MAEL: variants seen among roughly 807,000 people sequenced by gnomAD.
MAEL encodes maelstrom spermatogenic transposon silencer, also known as protein maelstrom homolog.
In MAEL, 46 loss-of-function variants were observed where a neutral mutation model predicts 62.0. The ratio of observed to expected loss-of-function variants is 0.74; its 90% CI spans 0.59 to 0.95. The LOEUF is 0.95. Among genes scored for constraint, MAEL ranks in the 40% least tolerant of loss-of-function variants. The pLI, the probability that MAEL is intolerant of heterozygous loss-of-function variation, is 0.00. For synonymous variants in MAEL, 172 were observed against 175.5 expected, an observed-to-expected ratio of 0.98 and a Z score of 0.16; for missense variants, 497 against 526.8, an observed-to-expected ratio of 0.94 and a Z score of 0.55.
chr1:167,020,230 C>T (rs973730010), intron 10 of MAEL, among the ~76,000 whole-genome samples: 2 of 152,170 alleles, frequency 1.3e-5, no homozygotes, highest in Non-Finnish European at 2.9e-5. Context: ...CTCTTCACCT[C>T]CTTCCTTCCC....
At chr1:167,015,829 G>C (rs1262008213) in intron 8 of MAEL, among the ~76,000 whole-genome samples, 1 of 151,958 alleles carries the variant, frequency 6.6e-6, no homozygotes, top group African/African-American at 2.4e-5. Flanking sequence ...TTCTTGATCT[G>C]TCTTTCCCTC....
chr1:166,983,129 G>T (rs768694490), intron 1 of MAEL, among the ~76,000 whole-genome samples: 80 of 151,956 alleles, frequency 5.3e-4, no homozygotes, highest in Non-Finnish European at 7.4e-4. Context: ...TATTACCTGG[G>T]TTTTTTTCCA....
chr1:166,994,619 A>G (rs1664330241), intron 5 of MAEL, among the ~76,000 whole-genome samples: 1 of 152,042 alleles, frequency 6.6e-6, no homozygotes, highest in Non-Finnish European at 1.5e-5. Flanking sequence ...TGTATATTAA[A>G]AGTGTCAGTG....
At position 167,021,726 on chromosome 1, in the gene MAEL, A is replaced by T. The variant is rs1180574037; in HGVS notation, c.1176A>T (p.Gly392=). The change falls in exon 12 of 12, where the codon GGA becomes GGT. Residue 392 remains glycine, a synonymous_variant. Transcript: ENST00000367872. ...SGQNSSVRGR[G]ITRLLESISN... is the part of the protein sequence containing the mutation. ...AAAACAGCAGCGTTCGGGGAAGAGG[A>T]ATTACCCGCTTACTAGAGAGCATTT... The T allele has an allele frequency of 6.2e-7, 1 of 1,613,244 alleles. No individual in the cohort carries two copies. Among genetic ancestry groups the T allele is most frequent in the Non-Finnish European group, 8.5e-7 (1 of 1,179,728 alleles).
rs1557981106 is a variant in MAEL, at chr1:167,005,058, G to GT, written c.649-12dup. 7.5e-6 allele frequency: 12 copies of GT among 1,610,122 alleles called. No homozygotes were observed. Among genetic ancestry groups the GT allele is most frequent in the Non-Finnish European group, 1.0e-5 (12 of 1,178,156 alleles). ...AAGTAGTTTTTTTGTTTTGTTTTTTGTTTTTTGCTTTCTCCAGTCTGATGA... is the reference window on the plus strand; with the variant it reads ...AAGTAGTTTTTTTGTTTTGTTTTTTGTTTTTTTGCTTTCTCCAGTCTGATGA... On this transcript the variant is annotated splice_polypyrimidine_tract_variant and intron_variant, in intron 6 of 11. Coordinates refer to ENST00000367872, the MANE Select transcript of MAEL (RefSeq NM_032858.3).
chr1:167,017,528 C>T (rs556352897), intron 9 of MAEL, among the ~76,000 whole-genome samples: 15 of 152,224 alleles, frequency 9.9e-5, no homozygotes, highest in African/African-American at 3.4e-4. Flanking sequence ...TTATTTCTGC[C>T]GCTGCCCTCT....
At chr1:167,010,328 T>G (rs1281154710) in intron 8 of MAEL, among the ~76,000 whole-genome samples, 1 of 152,208 alleles carries the variant, frequency 6.6e-6, no homozygotes, top group Non-Finnish European at 1.5e-5. Context: ...CACAGCAGTG[T>G]GAGAACAGAC....
intron 1 of MAEL, among the ~76,000 whole-genome samples, chr1:166,977,851 T>C (rs1216810508): frequency 6.6e-6 from 1 of 152,166 alleles, no homozygotes; most frequent in African/African-American, 2.4e-5. Flanking sequence ...CTCTGGAGGC[T>C]AAGATGGGAG....
At chr1:167,009,523 G>A (rs1665076276) in intron 8 of MAEL, among the ~76,000 whole-genome samples, 1 of 150,934 alleles carries the variant, frequency 6.6e-6, no homozygotes, top group Non-Finnish European at 1.5e-5. Flanking sequence ...GAGTTTATAT[G>A]CAGGTCCATT....
chr1:166,994,180 A>G, intron 5 of MAEL, 111 bp downstream of exon 5: 1 of 990,718 alleles, frequency 1.0e-6, no homozygotes, highest in East Asian at 2.7e-5. Flanking sequence ...ACTTTAGGTT[A>G]TTGTTAGAGA....
chr1:166,999,093 A>G (rs1004766466), intron 5 of MAEL, among the ~76,000 whole-genome samples: 4 of 152,198 alleles, frequency 2.6e-5, no homozygotes, highest in Non-Finnish European at 4.4e-5. Flanking sequence ...AATTAGGTCA[A>G]TTAATAACCC....
chr1:167,016,417 A>G (rs1238132583), intron 9 of MAEL, 133 bp downstream of exon 9: 2 of 748,088 alleles, frequency 2.7e-6, no homozygotes, highest in Non-Finnish European at 4.6e-6. Context: ...AAGGGGGTCA[A>G]ATCAAAACTA....
rs868234878 is a variant in MAEL at position 166,989,780 on chromosome 1, G to A, written c.176G>A (p.Arg59Gln). 1 of 1,613,956 alleles carries A rather than the reference G, an allele frequency of 6.2e-7. No individual in the cohort carries two copies. Among genetic ancestry groups the A allele is most frequent in the Non-Finnish European group, 8.5e-7 (1 of 1,179,970 alleles). Residue 59 changes from arginine (R) to glutamine (Q), a missense_variant, in exon 2 of 12, where the codon CGA becomes CAA. Physicochemically the swap from Arg to Gln is conservative, Grantham distance 43. Transcript: ENST00000367872. The part of the protein sequence containing the change: ...EEKEKYAEMA[R>Q]EWRAAQGKDP... ...AAGGAGAAATACGCAGAAATGGCTC[G>A]AGAATGGAGGGCCGCTCAGGGAAAG...
chr1:167,006,837 T>C (rs1328949223), intron 8 of MAEL, among the ~76,000 whole-genome samples: 3 of 151,690 alleles, frequency 2.0e-5, no homozygotes, highest in African/African-American at 7.3e-5. Context: ...GGTTTCACCA[T>C]GTTGGCCAGG....
Position 167,004,207 on chromosome 1 carries a change from C to A in MAEL, c.551C>A (p.Ser184Ter). 1 of 1,609,814 alleles carries A rather than the reference C, an allele frequency of 6.2e-7. No homozygotes were observed. The highest frequency in any genetic ancestry group is 1.3e-5 in the African/African-American group (1 of 74,868). ...GATTCTAGTCACAAGATTCCTATTT[C>A]AAATTTTGAACGTGGGCATAACCAA... ...ASDSSHKIPI[S>*]NFERGHNQAT... Residue 184 changes from serine (S) to a stop codon, truncating the protein, a stop_gained, in exon 6 of 12, where the codon TCA (serine) becomes TAA (stop). Coordinates refer to ENST00000367872, the MANE Select transcript of MAEL (RefSeq NM_032858.3). LOFTEE classifies it high-confidence loss of function.
At chr1:167,015,923 T>G (rs1442777943) in intron 8 of MAEL, among the ~76,000 whole-genome samples, 5 of 152,166 alleles carry the variant, frequency 3.3e-5, no homozygotes, top group African/African-American at 9.7e-5. Context: ...TAGAAAATAG[T>G]GTACATTGAA....
At chr1:166,989,142 C>T, upstream of MAEL, 1 of 665,352 alleles carries the variant, frequency 1.5e-6, no homozygotes, top group Non-Finnish European at 2.5e-6. Context: ...CGCTCTCCCC[C>T]CACCTCACCC....
intron 1 of MAEL, among the ~76,000 whole-genome samples, chr1:166,983,448 T>C (rs1463814843): frequency 6.6e-6 from 1 of 152,176 alleles, no homozygotes; most frequent in Non-Finnish European, 1.5e-5. Context: ...TTTATGTGGC[T>C]TACTTCTGGA....
At chr1:167,006,519 A>G (rs1388547793) in intron 8 of MAEL, among the ~76,000 whole-genome samples, 2 of 149,286 alleles carry the variant, frequency 1.3e-5, no homozygotes, top group Non-Finnish European at 3.0e-5. Flanking sequence ...AGTTTGTCCA[A>G]TTACTGATGA....
Sources: gnomAD v4.1 joint callset for allele counts (sites outside exome capture counted in the v4.1 genomes callset) on GRCh38, gnomAD v4.1.1 for gene constraint, MANE v1.5 for transcripts, NCBI Gene and HGNC (gene_info 2026-07-23, HGNC 2026-07-21) for gene names.